Variants in PTPRT observed in about 807,000 individuals in gnomAD.
PTPRT encodes the protein protein tyrosine phosphatase receptor type T, also known as receptor-type tyrosine-protein phosphatase T.
Under a neutral mutation model 176.8 loss-of-function variants are expected in PTPRT, and 56 were observed. That is an observed-to-expected ratio of 0.32 (90% confidence interval 0.26 to 0.40). The LOEUF (loss-of-function observed/expected upper bound fraction) is 0.40. Among genes scored for constraint, PTPRT ranks in the 10% least tolerant of loss-of-function variants. The probability of loss-of-function intolerance (pLI) is 1.00; values close to 1 mark genes in which losing one functional copy is unlikely to be tolerated. For synonymous variants in PTPRT, 783 were observed against 739.0 expected (o/e 1.06, Z -0.96); for missense variants, 1,540 against 1,908.2 (o/e 0.81, Z 3.60).
At position 42,801,850 on chromosome 20, in the gene PTPRT, G is replaced by C. The variant is rs150310137; in HGVS notation, c.215-10384C>G. Among the ~76,000 whole-genome samples, 32 of 152,194 alleles carry C rather than the reference G, an allele frequency of 2.1e-4. No individual in the cohort carries two copies. The East Asian group carries it at 3.1e-3, about 15-fold the overall frequency. On this transcript the variant is annotated intron_variant, in intron 2 of 30. Coordinates refer to ENST00000373187, the MANE Select transcript of PTPRT (RefSeq NM_007050.6). The stretch of plus-strand genomic sequence containing the variant: ...AGGAACAAGACAGTTTCTGCCTTGT[G>C]GGGGGGCTAAAAGAAATTGCAGACA...
chr20:42,718,468 C>A, intron 6 of PTPRT, among the ~76,000 whole-genome samples: 1 of 152,032 alleles, frequency 6.6e-6, no homozygotes, highest in South Asian at 2.1e-4. Flanking sequence ...ACCCAGGGGG[C>A]GGAGCTTGCA....
intron 9 of PTPRT, among the ~76,000 whole-genome samples, chr20:42,406,339 A>C (rs2145721423): frequency 6.6e-6 from 1 of 152,152 alleles, no homozygotes; most frequent in South Asian, 2.1e-4. Context: ...AAAAAAGAGA[A>C]AGGTGGTATA....
At chr20:42,547,011 TA>T (rs932520662) in intron 7 of PTPRT, among the ~76,000 whole-genome samples, 47 of 152,000 alleles carry the variant, frequency 3.1e-4, no homozygotes, top group African/African-American at 1.0e-3. Flanking sequence ...CACATGCTGT[TA>T]AAAAAAATAG....
chr20:43,149,780 T>C (rs773855988), intron 1 of PTPRT, among the ~76,000 whole-genome samples: 10 of 152,214 alleles, frequency 6.6e-5, no homozygotes, highest in Non-Finnish European at 1.0e-4. Flanking sequence ...ATTACTGTAT[T>C]TCTCTTTGCA....
the PTPRT span, among the ~76,000 whole-genome samples, chr20:42,043,477 C>A: frequency 2.6e-5 from 4 of 152,126 alleles, no homozygotes; most frequent in African/African-American, 7.2e-5. Flanking sequence ...TACTTCTGGG[C>A]CAAAGTATAG....
At position 42,726,167 on chromosome 20, in the gene PTPRT, C is replaced by T. The variant is rs190884537; in HGVS notation, c.859+30295G>A. On this transcript the variant is annotated intron_variant, in intron 6 of 30. Transcript: ENST00000373187. ...TGATCTTGGCTCACTGCAACCTCTGCGTCCCAGGTTCAAGCAATCCTCGTG... is the reference window on the plus strand; with the variant it reads ...TGATCTTGGCTCACTGCAACCTCTGTGTCCCAGGTTCAAGCAATCCTCGTG... Among the ~76,000 whole-genome samples the T allele has an allele frequency of 6.9e-3, 1,049 of 151,786 alleles. 7 individuals are homozygous for T. The highest frequency in any genetic ancestry group is 0.024 in the African/African-American group (978 of 41,402).
At chr20:42,785,556 T>A (rs2077276929) in intron 3 of PTPRT, among the ~76,000 whole-genome samples, 1 of 152,162 alleles carries the variant, frequency 6.6e-6, no homozygotes, top group Non-Finnish European at 1.5e-5. Context: ...TGGGTGCTTG[T>A]CCCTATGTGG....
chr20:42,206,168 C>T (rs1342810330), intron 15 of PTPRT, among the ~76,000 whole-genome samples: 1 of 152,140 alleles, frequency 6.6e-6, no homozygotes, highest in Non-Finnish European at 1.5e-5. Flanking sequence ...CAGTGTCTTA[C>T]AAATGCAGCA....
chr20:42,965,288 T>C (rs35993546), intron 1 of PTPRT, among the ~76,000 whole-genome samples: 3,223 of 152,256 alleles, frequency 0.021, 47 homozygotes, highest in Non-Finnish European at 0.032. Context: ...GCTTAAATAA[T>C]GCCACGATGA....
chr20:42,110,008 C>G (rs1320708704), intron 23 of PTPRT, among the ~76,000 whole-genome samples: 1 of 151,574 alleles, frequency 6.6e-6, no homozygotes. Flanking sequence ...CCCAAGAAAG[C>G]CGAGCTGCAG....
intron 1 of PTPRT, among the ~76,000 whole-genome samples, chr20:43,070,745 T>A (rs1367421580): frequency 2.0e-5 from 3 of 152,002 alleles, no homozygotes; most frequent in South Asian, 4.2e-4. Context: ...AAACACTGCA[T>A]GTTCTCACTC....
intron 16 of PTPRT, among the ~76,000 whole-genome samples, chr20:42,191,815 T>A (rs968262428): frequency 6.6e-6 from 1 of 152,102 alleles, no homozygotes; most frequent in Non-Finnish European, 1.5e-5. Flanking sequence ...GAAGAGAGAA[T>A]ACATTATGAG....
chr20:42,042,557 A>G, the PTPRT span, among the ~76,000 whole-genome samples: 30 of 152,174 alleles, frequency 2.0e-4, 1 homozygote, highest in African/African-American at 5.8e-4. Context: ...ATTCTTTTGC[A>G]TAATGTTTGG....
intron 7 of PTPRT, among the ~76,000 whole-genome samples, chr20:42,620,822 T>A (rs1052013324): frequency 3.3e-5 from 5 of 152,118 alleles, no homozygotes; most frequent in African/African-American, 1.2e-4. Context: ...GCGCACCCAC[T>A]GGCCTGCGCC....
At chr20:43,046,161 AT>A (rs1986829293) in intron 1 of PTPRT, among the ~76,000 whole-genome samples, 9 of 152,316 alleles carry the variant, frequency 5.9e-5, no homozygotes, top group Non-Finnish European at 1.5e-5. Context: ...TGTCTTATGA[AT>A]TAAGACAATC....
chr20:42,134,819 CACT>C (rs1457285885), intron 18 of PTPRT, among the ~76,000 whole-genome samples: 1 of 152,174 alleles, frequency 6.6e-6, no homozygotes, highest in Non-Finnish European at 1.5e-5. Context: ...TACAGAACAC[CACT>C]GACAGAGGAC....
chr20:43,095,662 CTT>C (rs1000125021), intron 1 of PTPRT, among the ~76,000 whole-genome samples: 11 of 148,870 alleles, frequency 7.4e-5, no homozygotes, highest in African/African-American at 1.2e-4. Context: ...CCTCTCTTCC[CTT>C]TCTCTCTCCC....
At chr20:42,857,195 C>T (rs2078579274) in intron 2 of PTPRT, among the ~76,000 whole-genome samples, 1 of 152,172 alleles carries the variant, frequency 6.6e-6, no homozygotes, top group African/African-American at 2.4e-5. Context: ...TTATCTGAAC[C>T]TCACTTTCTT....
At chr20:43,065,251 A>T (rs1987639882) in intron 1 of PTPRT, among the ~76,000 whole-genome samples, 1 of 152,322 alleles carries the variant, frequency 6.6e-6, no homozygotes, top group East Asian at 1.9e-4. Context: ...AGATTCACAG[A>T]TCTAGGATCC....
Sources: gnomAD v4.1 joint callset for allele counts (sites outside exome capture counted in the v4.1 genomes callset) on GRCh38, gnomAD v4.1.1 for gene constraint, MANE v1.5 for transcripts, NCBI Gene and HGNC (gene_info 2026-07-23, HGNC 2026-07-21) for gene names.